Variants in MCCC1 observed in about 807,000 individuals in gnomAD.
MCCC1 encodes methylcrotonyl-CoA carboxylase subunit 1, also known as methylcrotonoyl-CoA carboxylase subunit alpha, mitochondrial.
A neutral mutation model predicts 83.8 loss-of-function variants in MCCC1; 64 were observed. The observed-to-expected ratio is 0.76, with a 90% CI of 0.62 to 0.94. The LOEUF (loss-of-function observed/expected upper bound fraction) is 0.94. MCCC1 is among the 40% of genes least tolerant of loss of function. The pLI is 0.00. For missense variants in MCCC1, 807 were observed against 904.7 expected (o/e 0.89, Z 1.39); for synonymous variants, 322 against 315.4 (o/e 1.02, Z -0.22).
chr3:183,047,087 G>T (rs1437389412), intron 9 of MCCC1, among the ~76,000 whole-genome samples: 2 of 152,116 alleles, frequency 1.3e-5, no homozygotes, highest in Non-Finnish European at 2.9e-5. Context: ...GCTCAGAAGG[G>T]AAATGAAACC....
chr3:183,053,165 A>C (rs1715120248), intron 8 of MCCC1, among the ~76,000 whole-genome samples: 1 of 152,160 alleles, frequency 6.6e-6, no homozygotes, highest in South Asian at 2.1e-4. Context: ...CATTTTTAAC[A>C]GAAAAGGTTA....
chr3:183,037,243 G>T lies in MCCC1; in HGVS notation c.1569C>A (p.Thr523=). Residue 523 remains threonine, a synonymous_variant, in exon 13 of 19, where the codon ACC becomes ACA. Coordinates refer to ENST00000265594, the MANE Select transcript of MCCC1 (RefSeq NM_020166.5). The part of the protein sequence containing the change: ...LGLILKEKAM[T]DTFTLQAHDQ... The stretch of plus-strand genomic sequence containing the variant: ...CATGTGCCTGAAGAGTGAAAGTGTC[G>T]GTCATGGCTTTCTCCTTGAGGATGA... 1 of 1,613,808 alleles carries T rather than the reference G, an allele frequency of 6.2e-7. No individual in the cohort carries two copies. Among genetic ancestry groups the T allele is most frequent in the Non-Finnish European group, 8.5e-7 (1 of 1,180,014 alleles).
At chr3:183,049,832 C>T (rs1474612063) in intron 9 of MCCC1, among the ~76,000 whole-genome samples, 1 of 152,194 alleles carries the variant, frequency 6.6e-6, no homozygotes, top group Non-Finnish European at 1.5e-5. Flanking sequence ...AAAGAGAGAA[C>T]CTAGGGCCAG....
intron 9 of MCCC1, among the ~76,000 whole-genome samples, chr3:183,048,879 T>A (rs1219873386): frequency 6.6e-6 from 1 of 152,192 alleles, no homozygotes; most frequent in Admixed American, 6.5e-5. Flanking sequence ...TTTAAAAGAA[T>A]ATAAATCATA....
At chr3:183,052,376 A>G (rs543257637) in intron 8 of MCCC1, 136 bp from the exon 9 acceptor site, 1 of 741,908 alleles carries the variant, frequency 1.3e-6, no homozygotes, top group South Asian at 1.5e-5. Context: ...CAGTTGTCCC[A>G]TAAGATTATA....
At chr3:183,032,419 T>C (rs1429199672) in intron 14 of MCCC1, among the ~76,000 whole-genome samples, 2 of 152,230 alleles carry the variant, frequency 1.3e-5, no homozygotes, top group African/African-American at 4.8e-5. Flanking sequence ...TGAGCATAAA[T>C]GGATGGGTTA....
chr3:183,058,200 C>G (rs1033394788), intron 7 of MCCC1, among the ~76,000 whole-genome samples: 6 of 152,134 alleles, frequency 3.9e-5, no homozygotes, highest in Admixed American at 2.6e-4. Flanking sequence ...GCAACTCTTA[C>G]AGTTAGATTT....
chr3:183,022,608 TA>T, intron 15 of MCCC1, 54 bp from the exon 16 acceptor site: 1 of 1,422,406 alleles, frequency 7.0e-7, no homozygotes, highest in South Asian at 1.2e-5. Context: ...ACTACAGAAT[TA>T]ATAAGATCAG....
At chr3:183,114,616 T>A (rs998082081) in intron 1 of MCCC1, among the ~76,000 whole-genome samples, 6 of 152,128 alleles carry the variant, frequency 3.9e-5, no homozygotes, top group East Asian at 1.9e-4. Context: ...AAAGAAGAAG[T>A]AAGACAGTAT....
chr3:183,054,806 T>C (rs1339566745), intron 8 of MCCC1, among the ~76,000 whole-genome samples: 4 of 152,190 alleles, frequency 2.6e-5, no homozygotes, highest in Non-Finnish European at 5.9e-5. Flanking sequence ...TCTTTTATAC[T>C]GTATTTTTAC....
intron 13 of MCCC1, among the ~76,000 whole-genome samples, chr3:183,034,313 T>C (rs549071652): frequency 6.6e-6 from 1 of 152,022 alleles, no homozygotes; most frequent in South Asian, 2.1e-4. Context: ...TAGCTGGGCA[T>C]GGTGACGGGC....
At chr3:183,037,572 T>C in intron 12 of MCCC1, 138 bp from the exon 13 acceptor site, 3 of 763,058 alleles carry the variant, frequency 3.9e-6, no homozygotes, top group Non-Finnish European at 4.5e-6. Flanking sequence ...AGGTACCATG[T>C]GGCAACAGGA....
At chr3:183,094,523 A>G in intron 2 of MCCC1, 36 bp downstream of exon 2, 1 of 1,610,206 alleles carries the variant, frequency 6.2e-7, no homozygotes, top group Non-Finnish European at 8.5e-7. Flanking sequence ...TCCAGTCTGA[A>G]GCAAAATCAA....
chr3:183,081,825 C>G (rs1252649558), intron 4 of MCCC1, among the ~76,000 whole-genome samples: 2 of 152,190 alleles, frequency 1.3e-5, no homozygotes, highest in African/African-American at 4.8e-5. Context: ...CACTGGCACC[C>G]AGAGAGAGTG....
At position 183,015,546 on chromosome 3, in the gene MCCC1, C is replaced by G; in HGVS notation, c.2070G>C (p.Lys690Asn). ...MKMEHTIKSPKDGTVKKVFYR... is the reference protein window; with the variant it reads ...MKMEHTIKSPNDGTVKKVFYR... ...AGAACACTTTCTTTACTGTGCCATC[C>G]TTTGGAGACTTTATGGTATGCTGCA... The change falls in exon 19 of 19, where the codon AAG (lysine) becomes AAC (asparagine). Residue 690 changes from lysine to asparagine, a missense_variant. By Grantham distance (94) the Lys-to-Asn change is moderately conservative. Coordinates refer to ENST00000265594, the MANE Select transcript of MCCC1 (RefSeq NM_020166.5). The G allele has an allele frequency of 6.2e-7, 1 of 1,614,110 alleles. No homozygotes were observed. The highest frequency in any genetic ancestry group is 8.5e-7 in the Non-Finnish European group (1 of 1,180,016).
upstream of MCCC1, among the ~76,000 whole-genome samples, chr3:183,101,525 G>A (rs1043451002): frequency 1.6e-4 from 24 of 151,934 alleles, no homozygotes; most frequent in Admixed American, 1.4e-3. Context: ...TCGAAACTCT[G>A]TATCTAACTA....
At chr3:183,080,665 C>A (rs1000778239) in intron 4 of MCCC1, among the ~76,000 whole-genome samples, 3 of 152,208 alleles carry the variant, frequency 2.0e-5, no homozygotes, top group Admixed American at 6.5e-5. Context: ...CTTTTCACAG[C>A]ACCCTACTCT....
At chr3:183,057,482 G>A (rs772640706) in intron 7 of MCCC1, 60 bp from the exon 8 acceptor site, 76 of 1,300,460 alleles carry the variant, frequency 5.8e-5, no homozygotes, top group Non-Finnish European at 7.5e-5. Flanking sequence ...TATCACATTC[G>A]TTAAGCTAAA....
chr3:183,019,921 A>C (rs1712007364), intron 17 of MCCC1, among the ~76,000 whole-genome samples: 1 of 152,252 alleles, frequency 6.6e-6, no homozygotes, highest in Admixed American at 6.5e-5. Flanking sequence ...CTTCAAAAAC[A>C]GCAGTCTTTT....
Sources: gnomAD v4.1 joint callset for allele counts (sites outside exome capture counted in the v4.1 genomes callset) on GRCh38, gnomAD v4.1.1 for gene constraint, MANE v1.5 for transcripts, NCBI Gene and HGNC (gene_info 2026-07-23, HGNC 2026-07-21) for gene names.